DMRTC2: variants seen among roughly 807,000 people sequenced by gnomAD.
DMRTC2 encodes the protein DMRT like family C2, also known as doublesex- and mab-3-related transcription factor C2.
Under a neutral mutation model 39.9 loss-of-function variants are expected in DMRTC2, and 13 were observed. The observed-to-expected ratio is 0.33, with a 90% CI of 0.21 to 0.52. DMRTC2 has a LOEUF of 0.52. Among genes scored for constraint, DMRTC2 ranks in the 20% least tolerant of loss-of-function variants. The probability of loss-of-function intolerance (pLI) is 0.96; values close to 1 mark genes in which losing one functional copy is unlikely to be tolerated. For synonymous variants in DMRTC2, 189 were observed against 185.2 expected, an observed-to-expected ratio of 1.02 and a Z score of -0.17; for missense variants, 431 against 472.8, an observed-to-expected ratio of 0.91 and a Z score of 0.82.
chr19:41,850,174 A>G, intron 6 of DMRTC2, 138 bp from the exon 7 acceptor site: 2 of 657,016 alleles, frequency 3.0e-6, no homozygotes, highest in Non-Finnish European at 4.7e-6. Context: ...AAAACAAAAT[A>G]AGTCAAGACA....
chr19:41,849,321 G>A, intron 6 of DMRTC2, 65 bp downstream of exon 6: 4 of 1,581,380 alleles, frequency 2.5e-6, no homozygotes, highest in South Asian at 2.3e-5. Context: ...CCACAGTGCT[G>A]GTGTCCAACC....
intron 1 of DMRTC2, among the ~76,000 whole-genome samples, chr19:41,846,885 A>G (rs1189351723): frequency 2.0e-5 from 3 of 151,886 alleles, no homozygotes; most frequent in African/African-American, 4.8e-5. Context: ...TTTAAATTAA[A>G]AAAAGGGGGG....
intron 6 of DMRTC2, 169 bp from the exon 7 acceptor site, chr19:41,850,141 TGG>T: frequency 1.9e-6 from 1 of 519,182 alleles, no homozygotes; most frequent in Non-Finnish European, 3.3e-6. Context: ...GAGGAAAAAC[TGG>T]CAAGGATTTT....
intron 8 of DMRTC2, chr19:41,850,946 GA>G (rs1304984224): frequency 4.3e-6 from 2 of 460,374 alleles, no homozygotes; most frequent in Non-Finnish European, 7.6e-6. Context: ...GAAAGGCAGG[GA>G]CTTGCCCAAG....
chr19:41,846,844 G>A (rs1032290689), intron 1 of DMRTC2, among the ~76,000 whole-genome samples: 1 of 150,844 alleles, frequency 6.6e-6, no homozygotes, highest in Admixed American at 6.6e-5. Context: ...TGGGATTATA[G>A]GCTTGAGCCA....
rs1555836174 is a variant in DMRTC2 at position 41,847,380 on chromosome 19, G to A, written c.-4-45G>A. 3 of 1,510,036 alleles carry A rather than the reference G, an allele frequency of 2.0e-6. No individual in the cohort carries two copies. The African/African-American group carries it at 4.2e-5, about 21-fold the overall frequency. 93.5% of individuals were successfully genotyped at this position (1,510,036 alleles called of 1,614,324 possible). ...GTCTCCAGGGCAGGAGGGTTGTTAG[G>A]GGCAGGCCCACCTGGCTATGCTTAC... is the stretch of plus-strand genomic sequence containing the variant. On this transcript the variant is annotated intron_variant, in intron 1 of 8. Coordinates refer to ENST00000269945, the MANE Select transcript of DMRTC2 (RefSeq NM_001040283.3).
At position 41,851,743 on chromosome 19, in the gene DMRTC2, C is replaced by T; in HGVS notation, c.*47C>T. ...CTTGCTATGGCAGGGAGGTGACAGC[C>T]TGCTGGCACTGTATATTTAGTGTCT... On this transcript the variant is annotated 3_prime_UTR_variant, in exon 9 of 9. Coordinates refer to ENST00000269945, the MANE Select transcript of DMRTC2 (RefSeq NM_001040283.3). The T allele has an allele frequency of 1.3e-6, 2 of 1,500,650 alleles. No individual in the cohort carries two copies. The highest frequency in any genetic ancestry group is 1.4e-5 in the African/African-American group (1 of 72,612). The allele number at this position is 1,500,650 out of a possible 1,614,324, so 93.0% of individuals were successfully genotyped here. A position where few individuals can be genotyped will look rare whatever the true frequency, so the allele number is the denominator to read the frequency against.
chr19:41,848,692 C>A, intron 4 of DMRTC2, 103 bp from the exon 5 acceptor site: 2 of 1,574,424 alleles, frequency 1.3e-6, no homozygotes, highest in Non-Finnish European at 1.7e-6. Context: ...AAAACGAGGG[C>A]CTCCCAGCCC....
At chr19:41,850,457 G>T (rs1555837102) in intron 7 of DMRTC2, 69 bp from the exon 8 acceptor site, 4 of 1,578,854 alleles carry the variant, frequency 2.5e-6, no homozygotes, top group South Asian at 1.2e-5. Flanking sequence ...GGAAGCAGGG[G>T]CTGAGGAACA....
chr19:41,847,324 A>G, intron 1 of DMRTC2, 101 bp from the exon 2 acceptor site: 1 of 1,451,672 alleles, frequency 6.9e-7, no homozygotes, highest in South Asian at 1.5e-5. Context: ...GCGGGGTCTA[A>G]AGAGGGGCAG....
In DMRTC2 at chr19:41,847,740, C is replaced by T. The variant is rs1331971240; in HGVS notation, c.229C>T (p.Arg77Cys). 3.7e-6 allele frequency: 6 copies of T among 1,613,920 alleles called. No individual in the cohort carries two copies. Among genetic ancestry groups the T allele is most frequent in the African/African-American group, 1.3e-5 (1 of 74,906 alleles). The change falls in exon 3 of 9, where the codon CGC (arginine) becomes TGC (cysteine). Residue 77 changes from arginine to cysteine, a missense_variant. Transcript: ENST00000269945. ...CTTGCAACTCCCCACTTTTAGGGAG[C>T]GCCGCAGGGTCATGGCTGCCCAGGT... The part of the protein sequence containing the change: ...ECHKCVLILE[R>C]RRVMAAQVAL...
In DMRTC2 at chr19:41,850,604, G is replaced by A. The variant is rs201816451; in HGVS notation, c.895G>A (p.Val299Met). 2.7e-5 allele frequency: 44 copies of A among 1,613,542 alleles called. No individual in the cohort carries two copies. Among genetic ancestry groups the A allele is most frequent in the Middle Eastern group, 1.6e-4 (1 of 6,084 alleles). ...QLQQEAAEAL[V>M]GLKDSSQAPR... ...GCAGCAAGAGGCAGCTGAAGCCCTC[G>A]TGGGGCTGAAAGATTCATCCCAGGC... Residue 299 changes from valine to methionine, a missense_variant, in exon 8 of 9, where the codon GTG becomes ATG. Transcript: ENST00000269945.
chr19:41,847,178 C>G (rs550015291), intron 1 of DMRTC2: 66 of 793,548 alleles, frequency 8.3e-5, no homozygotes, highest in South Asian at 7.5e-4. Context: ...GAGTGAGACT[C>G]CATCTCAAAA....
In DMRTC2 at chr19:41,850,477, TGGGCAGAAGCG is replaced by T. The variant is rs782390655; in HGVS notation, c.817-45_817-35del. ...CAGGGGCTGAGGAACACTTAGAGGG[TGGGCAGAAGCG>T]GGGGTTCCCAGTCTGCTTGTCTCCC... On this transcript the variant is annotated intron_variant, in intron 7 of 8. Coordinates refer to ENST00000269945, the MANE Select transcript of DMRTC2 (RefSeq NM_001040283.3). 2.5e-6 allele frequency: 4 copies of T among 1,584,398 alleles called. No individual in the cohort carries two copies. The South Asian group carries it at 4.6e-5, about 18-fold the overall frequency.
chr19:41,851,667 C>T lies in DMRTC2; in HGVS notation c.1075C>T (p.Arg359Cys), dbSNP rs546512248. 9 of 1,614,140 alleles carry T rather than the reference C, an allele frequency of 5.6e-6. No individual in the cohort carries two copies. The highest frequency in any genetic ancestry group is 4.5e-5 in the East Asian group (2 of 44,892). The stretch of plus-strand genomic sequence containing the variant: ...CCCCTCTGTTGCTCTGCATATTGGC[C>T]GTCTGGGGTCCATCTCCCTCCTGAG... The part of the protein sequence containing the change: ...PAPSVALHIG[R>C]LGSISLLS The change falls in exon 9 of 9, where the codon CGT (arginine) becomes TGT (cysteine). Residue 359 changes from arginine to cysteine, a missense_variant. Transcript: ENST00000269945.
In DMRTC2 at chr19:41,849,257, G is replaced by A; in HGVS notation, c.755+1G>A. 2.5e-6 allele frequency: 4 copies of A among 1,613,780 alleles called. No homozygotes were observed. Among genetic ancestry groups the A allele is most frequent in the Non-Finnish European group, 2.5e-6 (3 of 1,179,838 alleles). ...AAGGGCCCCCTAGCCAGCCCCGCAC[G>A]TGAGTAGGGAGAGAAGGATGTGTAT... On this transcript the variant is annotated splice_donor_variant, in intron 6 of 8. Transcript: ENST00000269945. LOFTEE classifies it high-confidence loss of function.
At position 41,851,762 on chromosome 19, in the gene DMRTC2, A is replaced by T; in HGVS notation, c.*66A>T. The T allele has an allele frequency of 1.5e-6, 2 of 1,372,616 alleles. No homozygotes were observed. The highest frequency in any genetic ancestry group is 2.1e-6 in the Non-Finnish European group (2 of 967,236). The allele number at this position is 1,372,616 out of a possible 1,614,324, so 85.0% of individuals were successfully genotyped here. ...GACAGCCTGCTGGCACTGTATATTT[A>T]GTGTCTTACTTAAGGATTTATGCAT... On this transcript the variant is annotated 3_prime_UTR_variant, in exon 9 of 9. Transcript: ENST00000269945.
intron 1 of DMRTC2, among the ~76,000 whole-genome samples, chr19:41,846,513 G>C (rs782430572): frequency 6.6e-6 from 1 of 151,860 alleles, no homozygotes; most frequent in African/African-American, 2.4e-5. Context: ...TTCGAGACCA[G>C]ACCAGCCTGG....
chr19:41,846,898 G>A (rs1195088), intron 1 of DMRTC2, among the ~76,000 whole-genome samples: 23,539 of 151,664 alleles, frequency 0.16, 2,110 homozygotes, highest in East Asian at 0.25. Context: ...AAGGGGGGAC[G>A]GGTGCAGTGG....
Sources: allele counts gnomAD v4.1 joint callset (sites outside exome capture counted in the v4.1 genomes callset), GRCh38; gene constraint gnomAD v4.1.1; transcripts MANE v1.5; gene names NCBI Gene and HGNC (gene_info 2026-07-23, HGNC 2026-07-21).